ALOXE3: variants seen among roughly 807,000 people sequenced by gnomAD.
ALOXE3 encodes the protein arachidonate epidermal lipoxygenase 3.
Under a neutral mutation model 87.5 loss-of-function variants are expected in ALOXE3, and 78 were observed. The observed-to-expected ratio is 0.89, with a 90% CI of 0.74 to 1.08. ALOXE3 has a LOEUF of 1.08. Ranked by LOEUF, ALOXE3 falls within the 50% of genes least tolerant of loss-of-function variation. ALOXE3 has a pLI of 0.00. For synonymous variants in ALOXE3, 363 were observed against 370.8 expected, an observed-to-expected ratio of 0.98 and a Z score of 0.24; for missense variants, 946 against 912.4, an observed-to-expected ratio of 1.04 and a Z score of -0.47.
intron 13 of ALOXE3, 85 bp from the exon 14 acceptor site, chr17:8,104,300 G>A (rs1979129554): frequency 2.0e-6 from 2 of 996,386 alleles, no homozygotes; most frequent in South Asian, 2.7e-5. Context: ...TCACCACAGG[G>A]GGAAAGTGAG....
chr17:8,118,741 A>G (rs535996158), upstream of ALOXE3: 1 of 1,537,294 alleles, frequency 6.5e-7, no homozygotes, highest in Admixed American at 2.0e-5. Context: ...AGCGAAATAC[A>G]GCGCCGGCAA....
Position 8,096,782 on chromosome 17 carries a change from C to T in ALOXE3, c.1981G>A (p.Glu661Lys), listed in dbSNP as rs564036985. Residue 661 changes from glutamate (E) to lysine (K), a missense_variant, in exon 16 of 16, where the codon GAG becomes AAG. Transcript: ENST00000448843. ...CTCGGGGCCTCCTCTGTGAAGTGCT[C>T]ATCTGGGTAGGTGCCCAGGGGCCTC... The part of the protein sequence containing the change: ...DQRPLGTYPD[E>K]HFTEEAPRRS... 2.2e-5 allele frequency: 36 copies of T among 1,614,174 alleles called. No individual in the cohort carries two copies. Among genetic ancestry groups the T allele is most frequent in the African/African-American group, 1.1e-4 (8 of 75,042 alleles).
chr17:8,096,602 C>T lies in ALOXE3; in HGVS notation c.*25G>A. The T allele has an allele frequency of 9.3e-7, 1 of 1,069,790 alleles. No individual in the cohort carries two copies. The highest frequency in any genetic ancestry group is 1.7e-5 in the Admixed American group (1 of 59,318). The allele number at this position is 1,069,790 out of a possible 1,614,324, so 66.3% of individuals were successfully genotyped here. ...CCTCCTCATGCTTGGACCTTTCTTT[C>T]TTCTTGGGTGGTATTTGGGGGTGGT... is the stretch of plus-strand genomic sequence containing the variant. On this transcript the variant is annotated 3_prime_UTR_variant, in exon 16 of 16. Coordinates refer to ENST00000448843, the MANE Select transcript of ALOXE3 (RefSeq NM_021628.3).
intron 14 of ALOXE3, 142 bp downstream of exon 14, chr17:8,103,973 A>G: frequency 2.8e-6 from 2 of 717,412 alleles, no homozygotes; most frequent in Non-Finnish European, 4.9e-6. Context: ...CCAACCCTTC[A>G]CCCCACTCAG....
At chr17:8,102,529 C>G (rs117024145) in intron 15 of ALOXE3, among the ~76,000 whole-genome samples, 1,916 of 152,284 alleles carry the variant, frequency 0.013, 14 homozygotes, top group Non-Finnish European at 0.022. Context: ...TACCCTTTGT[C>G]TTCTAAACGA....
chr17:8,118,558 C>A (rs1980821028), upstream of ALOXE3: 4 of 1,526,940 alleles, frequency 2.6e-6, no homozygotes, highest in South Asian at 4.8e-5. Flanking sequence ...ATAAATCACA[C>A]GTGACTGCAG....
chr17:8,117,236 C>G (rs1006108682), intron 2 of ALOXE3, among the ~76,000 whole-genome samples: 1 of 152,170 alleles, frequency 6.6e-6, no homozygotes, highest in Non-Finnish European at 1.5e-5. Flanking sequence ...CCAGCCTGCC[C>G]GATGAAACCG....
intron 3 of ALOXE3, among the ~76,000 whole-genome samples, chr17:8,116,560 A>G (rs940468390): frequency 5.3e-5 from 8 of 152,156 alleles, no homozygotes; most frequent in African/African-American, 9.7e-5. Context: ...ATATGAGTGT[A>G]TGTGTCTATG....
chr17:8,116,011 C>T (rs749140159), intron 3 of ALOXE3, among the ~76,000 whole-genome samples: 25 of 152,210 alleles, frequency 1.6e-4, no homozygotes, highest in Non-Finnish European at 1.8e-4. Flanking sequence ...TGGTGCCTGG[C>T]ACCATGTGTA....
At chr17:8,117,732 C>G in intron 2 of ALOXE3, 112 bp downstream of exon 2, 1 of 1,534,488 alleles carries the variant, frequency 6.5e-7, no homozygotes, top group Non-Finnish European at 8.7e-7. Flanking sequence ...GTGAGGAGGT[C>G]AGGGCCGGTA....
intron 15 of ALOXE3, among the ~76,000 whole-genome samples, chr17:8,097,999 G>C (rs1013498193): frequency 3.3e-5 from 5 of 151,654 alleles, no homozygotes; most frequent in Non-Finnish European, 7.4e-5. Flanking sequence ...TGCCCGCCTC[G>C]GCCTCCCAAA....
intron 13 of ALOXE3, among the ~76,000 whole-genome samples, chr17:8,105,279 G>A (rs1489070944): frequency 2.0e-5 from 3 of 152,016 alleles, no homozygotes; most frequent in Admixed American, 6.6e-5. Flanking sequence ...CAGAATTCAG[G>A]GCCTGCACAC....
In ALOXE3 at chr17:8,109,934, G is replaced by T; in HGVS notation, c.1374C>A (p.Pro458=). Residue 458 remains proline (P), a synonymous_variant, in exon 11 of 16, where the codon CCC becomes CCA. Coordinates refer to ENST00000448843, the MANE Select transcript of ALOXE3 (RefSeq NM_021628.3). ...NTIARATLLN[P]EGLVDQVTSI... is the part of the protein sequence containing the mutation. ...GCCGCACCTGGTCCACGAGGCCCTC[G>T]GGGTTGAGCAGCGTGGCCCTCGCGA... 1 of 1,550,888 alleles carries T rather than the reference G, an allele frequency of 6.4e-7. No individual in the cohort carries two copies. The highest frequency in any genetic ancestry group is 1.2e-5 in the South Asian group (1 of 84,074).
chr17:8,107,585 G>A (rs1979415527), intron 13 of ALOXE3, among the ~76,000 whole-genome samples: 1 of 151,878 alleles, frequency 6.6e-6, no homozygotes, highest in East Asian at 1.9e-4. Flanking sequence ...GGATCATGAG[G>A]TCAGGAGATC....
At chr17:8,115,254 G>A (rs1420887961) in intron 4 of ALOXE3, among the ~76,000 whole-genome samples, 197 bp from the exon 5 acceptor site, 2 of 152,240 alleles carry the variant, frequency 1.3e-5, no homozygotes, top group African/African-American at 4.8e-5. Flanking sequence ...TGCCCACACT[G>A]GGTTAGAGAT....
At chr17:8,116,019 G>A (rs902711464) in intron 3 of ALOXE3, among the ~76,000 whole-genome samples, 4 of 152,246 alleles carry the variant, frequency 2.6e-5, no homozygotes, top group African/African-American at 9.6e-5. Context: ...GGCACCATGT[G>A]TATAAGATGC....
Position 8,107,965 on chromosome 17 carries a change from G to GGAAGGAGAGA in ALOXE3, c.1684+502_1684+503insTCTCTCCTTC. Among the ~76,000 whole-genome samples, 2 of 6,288 alleles carry GGAAGGAGAGA rather than the reference G, an allele frequency of 3.2e-4. 1 individual carries two copies. The highest frequency in any genetic ancestry group is 2.0e-3 in the East Asian group (2 of 1,022). 4.1% of individuals were successfully genotyped at this position (6,288 alleles called of 152,430 possible). A position where few individuals can be genotyped will look rare whatever the true frequency, so the allele number is the denominator to read the frequency against. ...AGAAAGAAAGAAAGAAAGAAAGGAA[G>GGAAGGAGAGA]GAGAGAGAGAGAGAGAGAAAGAAAG... On this transcript the variant is annotated intron_variant, in intron 13 of 15. Coordinates refer to ENST00000448843, the MANE Select transcript of ALOXE3 (RefSeq NM_021628.3).
chr17:8,096,597 T>G lies in ALOXE3; in HGVS notation c.*30A>C. 3 of 1,028,274 alleles carry G rather than the reference T, an allele frequency of 2.9e-6. No individual in the cohort carries two copies. Among genetic ancestry groups the G allele is most frequent in the Non-Finnish European group, 3.1e-6 (2 of 645,082 alleles). The allele number at this position is 1,028,274 out of a possible 1,614,324, so 63.7% of individuals were successfully genotyped here. A position where few individuals can be genotyped will look rare whatever the true frequency, so the allele number is the denominator to read the frequency against. ...CTGGTCCTCCTCATGCTTGGACCTT[T>G]CTTTCTTCTTGGGTGGTATTTGGGG... On this transcript the variant is annotated 3_prime_UTR_variant, in exon 16 of 16. Coordinates refer to ENST00000448843, the MANE Select transcript of ALOXE3 (RefSeq NM_021628.3).
intron 13 of ALOXE3, 121 bp downstream of exon 13, chr17:8,108,347 T>C (rs1468581343): frequency 2.8e-6 from 4 of 1,426,574 alleles, no homozygotes; most frequent in Non-Finnish European, 3.8e-6. Context: ...ATCTGCTAGT[T>C]GGGGATATTA....
Sources: allele counts gnomAD v4.1 joint callset (sites outside exome capture counted in the v4.1 genomes callset), GRCh38; gene constraint gnomAD v4.1.1; transcripts MANE v1.5; gene names NCBI Gene and HGNC (gene_info 2026-07-23, HGNC 2026-07-21).